Variants in RAP1GAP2 observed in about 807,000 individuals in gnomAD.
The protein encoded by RAP1GAP2 is RAP1 GTPase activating protein 2, also known as rap1 GTPase-activating protein 2.
In RAP1GAP2, 27 loss-of-function variants were observed where a neutral mutation model predicts 95.0. That is an observed-to-expected ratio of 0.28 (90% CI 0.21 to 0.39). RAP1GAP2 has a LOEUF of 0.39. Among genes scored for constraint, RAP1GAP2 ranks in the 10% least tolerant of loss-of-function variants. The probability of loss-of-function intolerance (pLI) is 1.00; values close to 1 mark genes in which losing one functional copy is unlikely to be tolerated. For synonymous variants in RAP1GAP2, 373 were observed against 380.9 expected, an observed-to-expected ratio of 0.98 and a Z score of 0.24; for missense variants, 771 against 970.0, an observed-to-expected ratio of 0.79 and a Z score of 2.72.
intron 1 of RAP1GAP2, among the ~76,000 whole-genome samples, chr17:2,790,792 C>T (rs2068903388): frequency 6.6e-6 from 1 of 152,230 alleles, no homozygotes; most frequent in Non-Finnish European, 1.5e-5. Flanking sequence ...GTCCCTTCCT[C>T]CCGTCCTGCC....
intron 2 of RAP1GAP2, 67 bp from the exon 3 acceptor site, chr17:2,905,217 T>G: frequency 6.9e-7 from 1 of 1,441,250 alleles, no homozygotes; most frequent in South Asian, 1.2e-5. Flanking sequence ...GAGAGCCCAG[T>G]CACTCTTGGA....
chr17:2,880,221 G>A (rs2151665589), intron 2 of RAP1GAP2, among the ~76,000 whole-genome samples: 1 of 152,054 alleles, frequency 6.6e-6, no homozygotes, highest in Non-Finnish European at 1.5e-5. Flanking sequence ...GTGGGTGAGA[G>A]AAGGGTCTAG....
intron 3 of RAP1GAP2, among the ~76,000 whole-genome samples, chr17:2,932,210 C>T (rs528643154): frequency 3.3e-5 from 5 of 152,196 alleles, no homozygotes; most frequent in Admixed American, 2.0e-4. Flanking sequence ...GGGGATGGGA[C>T]GCTGTGTTTT....
intron 1 of RAP1GAP2, among the ~76,000 whole-genome samples, chr17:2,779,509 T>C (rs1214579528): frequency 6.6e-6 from 1 of 152,132 alleles, no homozygotes; most frequent in African/African-American, 2.4e-5. Context: ...TGTGGCCCAG[T>C]TTCCCAGACC....
chr17:2,887,074 G>T (rs574371602), intron 2 of RAP1GAP2, among the ~76,000 whole-genome samples: 3 of 146,884 alleles, frequency 2.0e-5, no homozygotes, highest in Non-Finnish European at 4.5e-5. Context: ...ACGAATAATA[G>T]TTTTTTTTTT....
chr17:2,757,157 T>A (rs1421141456), intron 1 of RAP1GAP2, among the ~76,000 whole-genome samples: 2 of 152,208 alleles, frequency 1.3e-5, no homozygotes, highest in Non-Finnish European at 2.9e-5. Context: ...CTCACTCTGT[T>A]GCCCAGGCTG....
intron 8 of RAP1GAP2, among the ~76,000 whole-genome samples, chr17:2,977,858 A>G (rs184140119): frequency 4.6e-5 from 7 of 152,182 alleles, no homozygotes; most frequent in Admixed American, 6.5e-5. Context: ...AAAATAAAAA[A>G]TAGGCCAGTG....
chr17:2,923,825 C>T (rs185837698), intron 3 of RAP1GAP2, among the ~76,000 whole-genome samples: 3 of 152,310 alleles, frequency 2.0e-5, no homozygotes, highest in Admixed American at 1.3e-4. Flanking sequence ...AATATCCGTT[C>T]TTACCATTTG....
intron 24 of RAP1GAP2, 32 bp downstream of exon 24, chr17:3,032,481 G>GA: frequency 6.3e-7 from 1 of 1,595,528 alleles, no homozygotes; most frequent in Non-Finnish European, 8.6e-7. Flanking sequence ...CTGTGGCCGT[G>GA]AGGGGGGACG....
intron 3 of RAP1GAP2, among the ~76,000 whole-genome samples, chr17:2,910,684 C>T (rs908924970): frequency 2.0e-5 from 3 of 152,146 alleles, no homozygotes; most frequent in Admixed American, 6.5e-5. Context: ...CCCAACGCAA[C>T]GCCGTTCCTC....
intron 3 of RAP1GAP2, among the ~76,000 whole-genome samples, chr17:2,911,908 G>A (rs376256291): frequency 6.6e-6 from 1 of 152,158 alleles, no homozygotes; most frequent in Non-Finnish European, 1.5e-5. Flanking sequence ...CCCTGGAGCC[G>A]CACCGGGCCC....
rs367816496 is a variant in RAP1GAP2 at position 2,889,633 on chromosome 17, G to C, written c.81-15651G>C. The stretch of plus-strand genomic sequence containing the variant: ...TTTCTTTTCTAATGTCCCAGAGAAA[G>C]AGGCCAGCACTGGGAGGAGGCAGGA... On this transcript the variant is annotated intron_variant, in intron 2 of 24. Transcript: ENST00000254695. 4.6e-5 allele frequency among the ~76,000 whole-genome samples: 7 copies of C among 150,756 alleles called. No homozygotes were observed. In the South Asian group the frequency reaches 1.3e-3, roughly 27 times the overall value.
At chr17:2,796,289 A>C (rs1355220515), upstream of RAP1GAP2, 4 of 546,118 alleles carry the variant, frequency 7.3e-6, 1 homozygote, top group East Asian at 1.1e-4. The surrounding 1 kb of genome is among the most constrained non-coding windows in gnomAD (Gnocchi z 4.7). Flanking sequence ...GGTGTGGGGA[A>C]GCTGCCCTCC....
At chr17:2,945,979 C>G (rs1010857216) in intron 3 of RAP1GAP2, among the ~76,000 whole-genome samples, 1 of 151,902 alleles carries the variant, frequency 6.6e-6, no homozygotes, top group African/African-American at 2.4e-5. Context: ...TTAGTAGAGA[C>G]GGGCTTTCAC....
chr17:2,907,840 C>G lies in RAP1GAP2; in HGVS notation c.165+2472C>G, dbSNP rs1451949057. On this transcript the variant is annotated intron_variant, in intron 3 of 24. Transcript: ENST00000254695. ...TTTATTTTTTTGAGACAGAGCCTTGCTCTGTCGCCGAGCCAGAGTGCAGTG... is the reference window on the plus strand; with the variant it reads ...TTTATTTTTTTGAGACAGAGCCTTGGTCTGTCGCCGAGCCAGAGTGCAGTG... Among the ~76,000 whole-genome samples the G allele has an allele frequency of 2.6e-4, 39 of 152,088 alleles. 1 individual carries two copies. The highest frequency in any genetic ancestry group is 2.5e-3 in the Admixed American group (38 of 15,268).
intron 3 of RAP1GAP2, among the ~76,000 whole-genome samples, chr17:2,921,591 G>T (rs535184913): frequency 1.3e-5 from 2 of 151,596 alleles, no homozygotes; most frequent in East Asian, 1.9e-4. Flanking sequence ...GGCCTTTAAG[G>T]TGTCTGCAGG....
At chr17:2,755,742 G>A (rs2071126798) in exon 1 of RAP1GAP2, 4 of 350,028 alleles carry the variant, frequency 1.1e-5, no homozygotes, top group Non-Finnish European at 2.1e-5. Flanking sequence ...GGCGCCGGGG[G>A]AGAAGCGCTG....
intron 12 of RAP1GAP2, among the ~76,000 whole-genome samples, chr17:2,991,889 G>A (rs949195068): frequency 4.0e-5 from 6 of 150,672 alleles, no homozygotes; most frequent in East Asian, 2.0e-4. Flanking sequence ...CTCGGCCTCC[G>A]GAGTAGCTGG....
At chr17:2,802,221 G>C (rs1345301790) in intron 2 of RAP1GAP2, among the ~76,000 whole-genome samples, 1 of 152,186 alleles carries the variant, frequency 6.6e-6, no homozygotes, top group Non-Finnish European at 1.5e-5. Context: ...TGCCAGCCCT[G>C]GTTGTGTATC....
Sources: gnomAD v4.1 joint callset for allele counts (sites outside exome capture counted in the v4.1 genomes callset) on GRCh38, gnomAD v4.1.1 for gene constraint, Gnocchi (gnomAD v3.1) non-coding constraint, MANE v1.5 for transcripts, NCBI Gene and HGNC (gene_info 2026-07-23, HGNC 2026-07-21) for gene names.